Variants in AUTS2 observed in about 807,000 individuals in gnomAD.
AUTS2 encodes the protein activator of transcription and developmental regulator AUTS2, also known as autism susceptibility gene 2 protein.
Under a neutral mutation model 112.4 loss-of-function variants are expected in AUTS2, and 17 were observed. That is an observed-to-expected ratio of 0.15 (90% CI 0.10 to 0.23). The LOEUF is 0.23. Ranked by LOEUF, AUTS2 falls within the 10% of genes least tolerant of loss-of-function variation. The pLI is 1.00. For missense variants in AUTS2, 1,510 were observed against 1,701.6 expected (o/e 0.89, Z 1.98); for synonymous variants, 751 against 702.7 (o/e 1.07, Z -1.09).
At chr7:70,107,904 C>T (rs1293635107) in intron 2 of AUTS2, among the ~76,000 whole-genome samples, 3 of 151,080 alleles carry the variant, frequency 2.0e-5, no homozygotes, top group South Asian at 2.1e-4. Flanking sequence ...CCAGCTACCC[C>T]GGAGGCTGAG....
chr7:70,383,773 A>G (rs759578330), intron 4 of AUTS2, among the ~76,000 whole-genome samples: 2 of 152,244 alleles, frequency 1.3e-5, no homozygotes, highest in African/African-American at 4.8e-5. Context: ...AGCCAGCGCA[A>G]TGAAACAGAC....
intron 5 of AUTS2, among the ~76,000 whole-genome samples, chr7:70,582,927 C>T (rs1585331512): frequency 6.6e-6 from 1 of 152,180 alleles, no homozygotes; most frequent in East Asian, 1.9e-4. Context: ...TATGTCTAGA[C>T]AATTTTTTTT....
chr7:70,210,363 G>A (rs150906336), intron 4 of AUTS2, among the ~76,000 whole-genome samples: 6 of 152,276 alleles, frequency 3.9e-5, no homozygotes, highest in Admixed American at 3.9e-4. Flanking sequence ...AATCTTTATT[G>A]CACAGTTGAA....
rs555056252 is a variant in AUTS2, at chr7:70,569,599, C to A, written c.691-128970C>A. On this transcript the variant is annotated intron_variant, in intron 5 of 18. Coordinates refer to ENST00000342771, the MANE Select transcript of AUTS2 (RefSeq NM_015570.4). ...CACACTGTCCCAGTAATCTGATCAGCCATGCTGCTTTTAAATGAAGGTCTA... is the reference window on the plus strand; with the variant it reads ...CACACTGTCCCAGTAATCTGATCAGACATGCTGCTTTTAAATGAAGGTCTA... Among the ~76,000 whole-genome samples the A allele has an allele frequency of 1.4e-3, 210 of 152,294 alleles. 2 individuals are homozygous for A. Among genetic ancestry groups the A allele is most frequent in the South Asian group, 0.011 (53 of 4,818 alleles).
At chr7:70,528,111 T>TA (rs1209401625) in intron 5 of AUTS2, among the ~76,000 whole-genome samples, 154 of 149,518 alleles carry the variant, frequency 1.0e-3, no homozygotes, top group Middle Eastern at 3.4e-3. Flanking sequence ...TTTTTTTTTT[T>TA]TTTTTTTTAC....
intron 6 of AUTS2, among the ~76,000 whole-genome samples, chr7:70,734,600 T>C (rs1313211463): frequency 2.6e-5 from 4 of 151,984 alleles, no homozygotes; most frequent in Non-Finnish European, 1.5e-5. Context: ...GAGGTATGTA[T>C]GGTAGTGTAG....
intron 2 of AUTS2, among the ~76,000 whole-genome samples, chr7:69,965,438 A>G (rs1797599852): frequency 6.6e-6 from 1 of 152,140 alleles, no homozygotes; most frequent in African/African-American, 2.4e-5. Context: ...CCTCTAATTC[A>G]GAGGGAGATG....
chr7:70,530,106 C>A (rs1175240890), intron 5 of AUTS2, among the ~76,000 whole-genome samples: 1 of 152,152 alleles, frequency 6.6e-6, no homozygotes, highest in African/African-American at 2.4e-5. Context: ...TAGACAACAT[C>A]TGTAGTGAGG....
chr7:69,887,413 CAAA>C (rs142082810), intron 1 of AUTS2, among the ~76,000 whole-genome samples: 10 of 53,030 alleles, frequency 1.9e-4, no homozygotes, highest in Admixed American at 2.1e-4. Context: ...AAGACTTCAT[CAAA>C]AAAAAAAAAA....
chr7:70,404,005 T>C (rs1050119827), intron 4 of AUTS2, among the ~76,000 whole-genome samples: 38 of 152,228 alleles, frequency 2.5e-4, no homozygotes, highest in African/African-American at 9.2e-4. Context: ...TGGATAACAG[T>C]ATATTTTTAA....
At chr7:69,769,264 G>C (rs916219011) in intron 1 of AUTS2, among the ~76,000 whole-genome samples, 2 of 152,200 alleles carry the variant, frequency 1.3e-5, no homozygotes, top group Admixed American at 1.3e-4. Context: ...TATTTCAGCT[G>C]TAATTAGGTG....
intron 5 of AUTS2, among the ~76,000 whole-genome samples, chr7:70,609,137 C>T (rs191890512): frequency 6.6e-6 from 1 of 152,254 alleles, no homozygotes; most frequent in East Asian, 1.9e-4. Flanking sequence ...TATCTATAGT[C>T]ACCATGTTGT....
At chr7:69,643,184 C>G (rs926942189) in intron 1 of AUTS2, 7 of 152,264 alleles carry the variant, frequency 4.6e-5, no homozygotes, top group Admixed American at 4.6e-4. Context: ...TGGCTGCTGG[C>G]CCCCTCAGAA....
intron 4 of AUTS2, chr7:70,291,675 T>C (rs936136574): frequency 2.0e-4 from 30 of 152,180 alleles, no homozygotes; most frequent in African/African-American, 7.0e-4. Context: ...TGATGAAAGA[T>C]TAGGGCATTA....
chr7:70,206,640 A>C (rs989923321), intron 4 of AUTS2, among the ~76,000 whole-genome samples: 2 of 152,212 alleles, frequency 1.3e-5, no homozygotes, highest in Non-Finnish European at 2.9e-5. Context: ...ATACACACTT[A>C]GGATACAACT....
At chr7:70,342,617 A>G (rs1791318369) in intron 4 of AUTS2, among the ~76,000 whole-genome samples, 2 of 152,154 alleles carry the variant, frequency 1.3e-5, no homozygotes, top group African/African-American at 4.8e-5. Context: ...TTAAAATTTC[A>G]TTTAATTTTA....
At chr7:69,603,288 A>G (rs1357966383) in intron 1 of AUTS2, among the ~76,000 whole-genome samples, 1 of 152,208 alleles carries the variant, frequency 6.6e-6, no homozygotes, top group Non-Finnish European at 1.5e-5. Context: ...ATTTGACTCC[A>G]TGATTTTGTT....
At chr7:70,516,414 A>G (rs538173059) in intron 5 of AUTS2, among the ~76,000 whole-genome samples, 3 of 152,354 alleles carry the variant, frequency 2.0e-5, no homozygotes, top group South Asian at 2.1e-4. Context: ...CATCAAAAGT[A>G]TGAAATGATT....
At chr7:69,888,563 ATATATATATG>A (rs1359388938) in intron 1 of AUTS2, among the ~76,000 whole-genome samples, 1 of 143,368 alleles carries the variant, frequency 7.0e-6, no homozygotes, top group Non-Finnish European at 1.5e-5. Flanking sequence ...ATATATATAT[ATATATATATG>A]TATGGTTTTT....
Sources: gnomAD v4.1 joint callset for allele counts (sites outside exome capture counted in the v4.1 genomes callset) on GRCh38, gnomAD v4.1.1 for gene constraint, MANE v1.5 for transcripts, NCBI Gene and HGNC (gene_info 2026-07-23, HGNC 2026-07-21) for gene names.